Variants in LMNTD1 observed in about 807,000 individuals in gnomAD.
LMNTD1 encodes lamin tail domain containing 1.
A neutral mutation model predicts 50.9 loss-of-function variants in LMNTD1; 35 were observed. The observed-to-expected ratio is 0.69, with a 90% CI of 0.53 to 0.91. The LOEUF (loss-of-function observed/expected upper bound fraction) is 0.91. Ranked by LOEUF, LMNTD1 falls within the 40% of genes least tolerant of loss-of-function variation. The pLI is 0.00. For synonymous variants in LMNTD1, 153 were observed against 161.9 expected (o/e 0.94, Z 0.42); for missense variants, 470 against 475.5 (o/e 0.99, Z 0.11).
chr12:25,628,092 A>G (rs1946632961), intron 1 of LMNTD1, among the ~76,000 whole-genome samples: 1 of 130,920 alleles, frequency 7.6e-6, no homozygotes, highest in Admixed American at 7.9e-5. Flanking sequence ...TGGGCGACAG[A>G]GTGAAACTCC....
In LMNTD1 at chr12:25,523,275, G is replaced by T. The variant is rs553707353; in HGVS notation, c.798+2824C>A. The stretch of plus-strand genomic sequence containing the variant: ...TATCAAACTCCTGACCTTGTGATCC[G>T]CCCGCCTCGGCCTCCCAAAGTGCTG... On this transcript the variant is annotated intron_variant, in intron 6 of 9. Transcript: ENST00000458174. Among the ~76,000 whole-genome samples, 12 of 152,112 alleles carry T rather than the reference G, an allele frequency of 7.9e-5. 1 individual carries two copies. Among genetic ancestry groups the T allele is most frequent in the Non-Finnish European group, 1.5e-4 (10 of 67,970 alleles).
At chr12:25,552,216 T>C (rs931904102) in intron 2 of LMNTD1, among the ~76,000 whole-genome samples, 3 of 152,306 alleles carry the variant, frequency 2.0e-5, no homozygotes, top group African/African-American at 7.2e-5. Context: ...TTATATAACA[T>C]TCTTACGGAC....
chr12:25,527,673 TATATATATACACAC>T lies in LMNTD1; in HGVS notation c.492-732_492-719del, dbSNP rs1455780154. ...ATATATATATATATATATATATATA[TATATATATACACAC>T]ACACACACACACACACACACACACA... On this transcript the variant is annotated intron_variant, in intron 4 of 9. Transcript: ENST00000458174. Among the ~76,000 whole-genome samples the T allele has an allele frequency of 2.3e-3, 50 of 21,442 alleles. No individual in the cohort carries two copies. In the East Asian group the frequency reaches 0.06, roughly 26 times the overall value. 14.1% of individuals were successfully genotyped at this position (21,442 alleles called of 152,430 possible).
At chr12:25,593,800 TAAAA>T (rs200768990) in intron 1 of LMNTD1, among the ~76,000 whole-genome samples, 1 of 132,306 alleles carries the variant, frequency 7.6e-6, no homozygotes, top group African/African-American at 2.7e-5. Context: ...CTAAGGAAAT[TAAAA>T]AAAAAAAAAA....
chr12:25,634,697 A>G (rs1292012155), intron 1 of LMNTD1, among the ~76,000 whole-genome samples: 1 of 152,226 alleles, frequency 6.6e-6, no homozygotes, highest in East Asian at 1.9e-4. Flanking sequence ...CACAGCCAAC[A>G]TAATACTGAA....
intron 1 of LMNTD1, among the ~76,000 whole-genome samples, chr12:25,631,832 G>T (rs1592123008): frequency 6.6e-6 from 1 of 152,036 alleles, no homozygotes; most frequent in Non-Finnish European, 1.5e-5. Flanking sequence ...AATTCAAGAG[G>T]TTAGTTATTA....
chr12:25,508,591 G>T (rs142951487), intron 8 of LMNTD1, among the ~76,000 whole-genome samples: 2 of 152,212 alleles, frequency 1.3e-5, no homozygotes, highest in African/African-American at 4.8e-5. Flanking sequence ...GACCATTATT[G>T]TATGTATATT....
intron 7 of LMNTD1, among the ~76,000 whole-genome samples, chr12:25,519,587 C>CAAAAAA (rs58304861): frequency 2.2e-4 from 21 of 94,706 alleles, no homozygotes; most frequent in African/African-American, 8.0e-4. Flanking sequence ...GACTCTGTCT[C>CAAAAAA]AAAAAAAAAA....
intron 1 of LMNTD1, among the ~76,000 whole-genome samples, chr12:25,612,328 ACG>A (rs55829465): frequency 8.2e-5 from 12 of 146,418 alleles, no homozygotes; most frequent in Non-Finnish European, 1.2e-4. Flanking sequence ...ACACACACAC[ACG>A]CGCTCCCACT....
At position 25,538,054 on chromosome 12, in the gene LMNTD1, C is replaced by T. The variant is rs575776926; in HGVS notation, c.491+8320G>A. 5.5e-5 allele frequency among the ~76,000 whole-genome samples: 8 copies of T among 144,276 alleles called. No individual in the cohort carries two copies. In the South Asian group the frequency reaches 1.8e-3, roughly 33 times the overall value. 94.7% of individuals were successfully genotyped at this position (144,276 alleles called of 152,430 possible). Reference sequence around the variant, plus strand: ...AATAAAAAGAAACGAGCAAAGCCTCCAAGAAATATGGGACTATGTGAAAAG... The same window carrying T: ...AATAAAAAGAAACGAGCAAAGCCTCTAAGAAATATGGGACTATGTGAAAAG... On this transcript the variant is annotated intron_variant, in intron 4 of 9. Coordinates refer to ENST00000458174, the MANE Select transcript of LMNTD1 (RefSeq NM_001145728.2).
chr12:25,551,057 T>A (rs893034456), intron 2 of LMNTD1, among the ~76,000 whole-genome samples: 21 of 152,220 alleles, frequency 1.4e-4, no homozygotes, highest in Admixed American at 1.4e-3. Context: ...ACTGTCAGAT[T>A]ACAGATATTT....
chr12:25,619,246 CTCTCTCTATATATATA>C (rs1434370984), intron 1 of LMNTD1, among the ~76,000 whole-genome samples: 3 of 76,214 alleles, frequency 3.9e-5, no homozygotes, highest in Non-Finnish European at 2.6e-5. Context: ...CTCTCTCTCT[CTCTCTCTATATATATA>C]TATATATATA....
chr12:25,568,652 C>T (rs1565488144), intron 1 of LMNTD1, among the ~76,000 whole-genome samples: 1 of 152,244 alleles, frequency 6.6e-6, no homozygotes, highest in Non-Finnish European at 1.5e-5. Flanking sequence ...CAAAGCCCTG[C>T]ATCACCTGGG....
At chr12:25,533,890 C>T (rs373574983) in intron 4 of LMNTD1, among the ~76,000 whole-genome samples, 1 of 152,104 alleles carries the variant, frequency 6.6e-6, no homozygotes, top group South Asian at 2.1e-4. Context: ...CAGAACCATT[C>T]GTGTGTTTAT....
chr12:25,527,681 T>TATATATACACACACACAC (rs1463259109), intron 4 of LMNTD1, among the ~76,000 whole-genome samples: 1 of 32,352 alleles, frequency 3.1e-5, no homozygotes, highest in African/African-American at 1.2e-4. Flanking sequence ...TATATATATA[T>TATATATACACACACACAC]ACACACACAC....
chr12:25,498,837 G>T (rs184415334), intron 9 of LMNTD1, among the ~76,000 whole-genome samples: 8 of 152,196 alleles, frequency 5.3e-5, no homozygotes, highest in Admixed American at 5.2e-4. Flanking sequence ...AAGGTTGGTT[G>T]CAACATGCTA....
Position 25,552,952 on chromosome 12 carries a change from T to C in LMNTD1, c.8A>G (p.Asp3Gly). MK[D>G]TQDIQEASKA... ...CGAAGCTTCCTGAATGTCTTGTGTA[T>C]CTTTCATCTTGGCTAGAAAAGAAGT... is the stretch of plus-strand genomic sequence containing the variant. Residue 3 changes from aspartate to glycine, a missense_variant, in exon 2 of 10, where the codon GAT (aspartate) becomes GGT (glycine). Physicochemically the swap from Asp to Gly is moderately conservative, Grantham distance 94. Transcript: ENST00000458174. 1 of 1,583,492 alleles carries C rather than the reference T, an allele frequency of 6.3e-7. No homozygotes were observed. Among genetic ancestry groups the C allele is most frequent in the Non-Finnish European group, 8.6e-7 (1 of 1,163,220 alleles).
intron 1 of LMNTD1, among the ~76,000 whole-genome samples, chr12:25,591,811 C>CAGAGAG (rs58392351): frequency 0.14 from 12,199 of 89,742 alleles, 1,373 homozygotes; most frequent in East Asian, 0.18. Context: ...TAGCTCAGAA[C>CAGAGAG]AGAGAGAGAG....
At chr12:25,576,352 G>A (rs1945019224) in intron 1 of LMNTD1, among the ~76,000 whole-genome samples, 1 of 152,186 alleles carries the variant, frequency 6.6e-6, no homozygotes, top group Non-Finnish European at 1.5e-5. Context: ...TCCAGCACTT[G>A]TTGTTTCCTG....
Sources: gnomAD v4.1 joint callset for allele counts (sites outside exome capture counted in the v4.1 genomes callset) on GRCh38, gnomAD v4.1.1 for gene constraint, MANE v1.5 for transcripts, NCBI Gene and HGNC (gene_info 2026-07-23, HGNC 2026-07-21) for gene names.